DENND1B: variants seen among roughly 807,000 people sequenced by gnomAD.
DENND1B encodes the protein DENN domain-containing protein 1B.
Under a neutral mutation model 90.1 loss-of-function variants are expected in DENND1B, and 59 were observed. The observed-to-expected ratio is 0.65, with a 90% CI of 0.53 to 0.81. The LOEUF (loss-of-function observed/expected upper bound fraction) is 0.81. Ranked by LOEUF, DENND1B falls within the 40% of genes least tolerant of loss-of-function variation. DENND1B has a pLI of 0.00. For missense variants in DENND1B, 862 were observed against 912.6 expected, an observed-to-expected ratio of 0.94 and a Z score of 0.71; for synonymous variants, 337 against 324.6, an observed-to-expected ratio of 1.04 and a Z score of -0.41.
At chr1:197,724,837 T>A (rs961324065) in intron 2 of DENND1B, among the ~76,000 whole-genome samples, 1 of 152,014 alleles carries the variant, frequency 6.6e-6, no homozygotes, top group Non-Finnish European at 1.5e-5. Flanking sequence ...AAAAGCTCAA[T>A]GAATAGAACA....
chr1:197,761,218 AAATT>A (rs1655002946), intron 2 of DENND1B, among the ~76,000 whole-genome samples: 1 of 152,210 alleles, frequency 6.6e-6, no homozygotes, highest in African/African-American at 2.4e-5. Flanking sequence ...AAAACCAAAA[AAATT>A]AACTTCATTA....
chr1:197,761,257 A>T (rs1219780884), intron 2 of DENND1B, among the ~76,000 whole-genome samples: 4 of 152,194 alleles, frequency 2.6e-5, no homozygotes, highest in African/African-American at 9.6e-5. Context: ...TTAAACAGAA[A>T]TTGCTCTTTT....
chr1:197,698,697 A>C (rs1658708111), intron 3 of DENND1B, among the ~76,000 whole-genome samples: 1 of 152,166 alleles, frequency 6.6e-6, no homozygotes, highest in Admixed American at 6.6e-5. Context: ...GAGAAGAATC[A>C]TACAGACACA....
At chr1:197,721,521 A>G (rs1275162567) in intron 2 of DENND1B, among the ~76,000 whole-genome samples, 1 of 43,324 alleles carries the variant, frequency 2.3e-5, no homozygotes, top group Non-Finnish European at 4.1e-5. Context: ...CTTCAAAAGG[A>G]AAGGACATAA....
intron 11 of DENND1B, among the ~76,000 whole-genome samples, chr1:197,614,187 C>T (rs1200569937): frequency 6.6e-6 from 1 of 150,938 alleles, no homozygotes; most frequent in African/African-American, 2.4e-5. Flanking sequence ...AGCTTGTATG[C>T]AAAATTTAAT....
At position 197,658,315 on chromosome 1, in the gene DENND1B, G is replaced by A. The variant is rs1368107599; in HGVS notation, c.351C>T (p.Tyr117=). 1.2e-6 allele frequency: 2 copies of A among 1,610,030 alleles called. No homozygotes were observed. Among genetic ancestry groups the A allele is most frequent in the Admixed American group, 1.7e-5 (1 of 59,846 alleles). ...AATAGCTTACCAGTTCCTTAGCCAA[G>A]TAATCTGCAAGAGTATTTAGAAGCT... ...YYKLLNTLAD[Y]LAKELENDLN... Residue 117 remains tyrosine (Y), a synonymous_variant, in exon 6 of 23, where the codon TAC becomes TAT. Transcript: ENST00000620048.
chr1:197,586,631 T>G (rs16841765), intron 14 of DENND1B, among the ~76,000 whole-genome samples: 2 of 152,294 alleles, frequency 1.3e-5, no homozygotes, highest in East Asian at 1.9e-4. Context: ...TAAGGAGAAG[T>G]TGATAAAATC....
At chr1:197,627,340 G>C (rs772067517) in intron 10 of DENND1B, among the ~76,000 whole-genome samples, 5 of 152,056 alleles carry the variant, frequency 3.3e-5, no homozygotes, top group Non-Finnish European at 5.9e-5. Flanking sequence ...ATGATCAAGT[G>C]GGCTTCATCC....
intron 2 of DENND1B, among the ~76,000 whole-genome samples, chr1:197,723,667 G>GA (rs1414874670): frequency 4.6e-5 from 7 of 152,142 alleles, no homozygotes; most frequent in Non-Finnish European, 1.0e-4. Flanking sequence ...ATATACCTTT[G>GA]AGTCAGCTAA....
At chr1:197,731,027 A>C (rs1662098994) in intron 2 of DENND1B, among the ~76,000 whole-genome samples, 1 of 152,134 alleles carries the variant, frequency 6.6e-6, no homozygotes, top group African/African-American at 2.4e-5. Flanking sequence ...TTCATGATTC[A>C]ACATAAAGGA....
In DENND1B at chr1:197,772,885, T is replaced by A. The variant is rs930856878; in HGVS notation, c.65A>T (p.His22Leu). The change falls in exon 2 of 23, where the codon CAT becomes CTT. Residue 22 changes from histidine to leucine, a missense_variant. By Grantham distance (99) the His-to-Leu change is moderately conservative. Coordinates refer to ENST00000620048, the MANE Select transcript of DENND1B (RefSeq NM_001195215.2). ...ACACATACCTTCATTTTCAGAGGCA[T>A]GACATTTCACTTTCAACACCAAGTC... is the stretch of plus-strand genomic sequence containing the variant. The part of the protein sequence containing the change: ...TFDLVLKVKC[H>L]ASENEDPVVL... 3.2e-6 allele frequency: 5 copies of A among 1,551,868 alleles called. No homozygotes were observed. The highest frequency in any genetic ancestry group is 4.4e-6 in the Non-Finnish European group (5 of 1,147,010).
At chr1:197,576,070 T>TA (rs753557099) in intron 15 of DENND1B, among the ~76,000 whole-genome samples, 70 of 151,412 alleles carry the variant, frequency 4.6e-4, no homozygotes, top group Non-Finnish European at 9.4e-4. Context: ...CCCTAGAACC[T>TA]AAAGTATAAT....
chr1:197,544,443 T>C (rs1329604807), intron 18 of DENND1B, among the ~76,000 whole-genome samples: 1 of 152,170 alleles, frequency 6.6e-6, no homozygotes, highest in Admixed American at 6.5e-5. Flanking sequence ...GAAAAGGAAC[T>C]AGACATGAAG....
At chr1:197,634,402 C>T (rs1679592870) in intron 10 of DENND1B, among the ~76,000 whole-genome samples, 1 of 152,036 alleles carries the variant, frequency 6.6e-6, no homozygotes, top group Non-Finnish European at 1.5e-5. Context: ...TTAAGCATTC[C>T]TTAAATGAGG....
rs541851025 is a variant in DENND1B, at chr1:197,683,288, C to G, written c.127-9119G>C. On this transcript the variant is annotated intron_variant, in intron 3 of 22. Transcript: ENST00000620048. ...TTGAACAATAAATCATATGGCTACC[C>G]TAAGAGAAATAAAGGCAATTTGAAG... 5.3e-5 allele frequency among the ~76,000 whole-genome samples: 8 copies of G among 152,064 alleles called. No homozygotes were observed. The South Asian group carries it at 1.5e-3, about 28-fold the overall frequency.
chr1:197,703,332 C>CAA (rs776966106), intron 3 of DENND1B, among the ~76,000 whole-genome samples: 4 of 145,028 alleles, frequency 2.8e-5, no homozygotes, highest in African/African-American at 7.6e-5. Context: ...AAAGAAAGAA[C>CAA]AAAAAAAAAA....
At position 197,506,970 on chromosome 1, in the gene DENND1B, AATGTGGGT is replaced by A; in HGVS notation, c.*3482_*3489del. On this transcript the variant is annotated 3_prime_UTR_variant, in exon 23 of 23. Coordinates refer to ENST00000620048, the MANE Select transcript of DENND1B (RefSeq NM_001195215.2). ...AAAGAGTCTCTAAATCTGCCCCTTA[AATGTGGGT>A]ATCTTAGCAGCATAATATACTTAGC... The A allele has an allele frequency of 6.6e-6, 1 of 151,200 alleles. No individual in the cohort carries two copies. The allele number at this position is 151,200 out of a possible 1,614,324, so 9.4% of individuals were successfully genotyped here. A position where few individuals can be genotyped will look rare whatever the true frequency, so the allele number is the denominator to read the frequency against.
At chr1:197,513,911 C>A (rs1668216019) in intron 20 of DENND1B, among the ~76,000 whole-genome samples, 1 of 151,562 alleles carries the variant, frequency 6.6e-6, no homozygotes, top group Admixed American at 6.6e-5. Flanking sequence ...TGGAAGCTTA[C>A]CCTCAGTTTC....
intron 15 of DENND1B, among the ~76,000 whole-genome samples, chr1:197,581,079 T>C (rs1674192946): frequency 6.6e-6 from 1 of 152,206 alleles, no homozygotes; most frequent in Non-Finnish European, 1.5e-5. Flanking sequence ...CTATAATGGA[T>C]CACAAAGTCA....
Sources: allele counts gnomAD v4.1 joint callset (sites outside exome capture counted in the v4.1 genomes callset), GRCh38; gene constraint gnomAD v4.1.1; transcripts MANE v1.5; gene names NCBI Gene and HGNC (gene_info 2026-07-23, HGNC 2026-07-21).